The following FANCA variants were observed in gnomAD, a reference collection of about 807,000 sequenced individuals.
FANCA encodes Fanconi anemia group A protein.
In FANCA, 236 loss-of-function variants were observed where a neutral mutation model predicts 194.3. That is an observed-to-expected ratio of 1.21 (90% confidence interval 1.09 to 1.35). FANCA has a LOEUF of 1.35. Among genes scored for constraint, FANCA ranks in the 40% most tolerant of loss-of-function variants. FANCA has a pLI of 0.00. For synonymous variants in FANCA, 1,014 were observed against 715.8 expected, an observed-to-expected ratio of 1.42 and a Z score of -6.65; for missense variants, 2,628 against 1,813.9, an observed-to-expected ratio of 1.45 and a Z score of -8.15.
Position 89,746,843 on chromosome 16 carries a change from G to A in FANCA, c.3396C>T (p.Ala1132=). ...HGGALTQDIT[A]HFFRGLLNAC... is the part of the protein sequence containing the mutation. ...GGGAGCATCTCACCCTGAAGAAGTG[G>A]GCAGTGATGTCCTGTGTCAGGGCAC... The change falls in exon 34 of 43, where the codon GCC becomes GCT. Residue 1132 remains alanine (A), a synonymous_variant. Transcript: ENST00000389301. The A allele has an allele frequency of 1.3e-6, 2 of 1,564,238 alleles. No homozygotes were observed. Among genetic ancestry groups the A allele is most frequent in the Non-Finnish European group, 8.7e-7 (1 of 1,153,176 alleles).
chr16:89,773,114 G>T (rs1214964774), intron 22 of FANCA, among the ~76,000 whole-genome samples, 157 bp downstream of exon 22: 2 of 152,172 alleles, frequency 1.3e-5, no homozygotes, highest in Non-Finnish European at 2.9e-5. Flanking sequence ...TCTCAAAAAA[G>T]GTTCCACACC....
chr16:89,753,539 T>C (rs139369101), intron 30 of FANCA, among the ~76,000 whole-genome samples: 19 of 152,286 alleles, frequency 1.2e-4, no homozygotes, highest in Admixed American at 3.3e-4. Context: ...ATTATCTCAA[T>C]AGATGTAGAA....
chr16:89,793,645 T>G (rs1020574711), intron 11 of FANCA, among the ~76,000 whole-genome samples: 1 of 152,072 alleles, frequency 6.6e-6, no homozygotes, highest in Non-Finnish European at 1.5e-5. Flanking sequence ...CAGGCTGGAG[T>G]GCAGTGCTCA....
At chr16:89,784,065 T>C (rs2039813447) in intron 15 of FANCA, among the ~76,000 whole-genome samples, 1 of 152,078 alleles carries the variant, frequency 6.6e-6, no homozygotes. Context: ...CGGCCAATTT[T>C]CTTAAAAGAT....
In FANCA at chr16:89,778,984, A is replaced by C; in HGVS notation, c.1735T>G (p.Tyr579Asp). The stretch of plus-strand genomic sequence containing the variant: ...AGGGCGGGGAGGAAGTGGGACACGT[A>C]GTAAGGCCTCCTGAATATGCTGCAA... ...MEASIFRRPY[Y>D]VSHFLPALLT... The change falls in exon 19 of 43, where the codon TAC becomes GAC. Residue 579 changes from tyrosine (Y) to aspartate (D), a missense_variant. Transcript: ENST00000389301. The C allele has an allele frequency of 6.2e-7, 1 of 1,613,890 alleles. No homozygotes were observed.
At chr16:89,739,622 CT>C in intron 39 of FANCA, 69 bp from the exon 40 acceptor site, 1 of 1,531,634 alleles carries the variant, frequency 6.5e-7, no homozygotes, top group Non-Finnish European at 8.9e-7. Flanking sequence ...GGGGACACCC[CT>C]GGGGGTCGGG....
Position 89,773,386 on chromosome 16 carries a change from T to G in FANCA, c.1901-2A>C, listed in dbSNP as rs1555549535. On this transcript the variant is annotated splice_acceptor_variant, in intron 21 of 42. Coordinates refer to ENST00000389301, the MANE Select transcript of FANCA (RefSeq NM_000135.4). LOFTEE classifies it high-confidence loss of function. ...CTGCCCTCACTCCCAGGGCTGCATC[T>G]GTGAGAAGAAGGAAGAAACCAGATG... 6.5e-7 allele frequency: 1 copy of G among 1,548,564 alleles called. No individual in the cohort carries two copies. Among genetic ancestry groups the G allele is most frequent in the African/African-American group, 1.4e-5 (1 of 72,948 alleles).
rs759940726 is a variant in FANCA, at chr16:89,779,905, T to A, written c.1679A>T (p.His560Leu). The A allele has an allele frequency of 6.2e-7, 1 of 1,614,146 alleles. No homozygotes were observed. Among genetic ancestry groups the A allele is most frequent in the Admixed American group, 1.7e-5 (1 of 60,030 alleles). The change falls in exon 18 of 43, where the codon CAT (histidine) becomes CTT (leucine). Residue 560 changes from histidine to leucine, a missense_variant. Transcript: ENST00000389301. ...GACGGTGACTGGGATGTTCCCCGTA[T>A]GCTCAAACACCATGATGGCCTTTTC... ...DVEKAIMVFEHTGNIPVTVME... is the reference protein window; with the variant it reads ...DVEKAIMVFELTGNIPVTVME...
chr16:89,757,818 G>A (rs561204169), intron 30 of FANCA, among the ~76,000 whole-genome samples: 4 of 152,332 alleles, frequency 2.6e-5, no homozygotes, highest in East Asian at 1.9e-4. Flanking sequence ...CATTTGTGCC[G>A]TGCTTCACAC....
chr16:89,740,515 A>G (rs886845437), intron 38 of FANCA: 4 of 498,418 alleles, frequency 8.0e-6, no homozygotes, highest in Non-Finnish European at 1.4e-5. Context: ...TCACGCCTGT[A>G]ATCCCAGCTA....
Position 89,749,847 on chromosome 16 carries a change from G to T in FANCA, c.3122C>A (p.Thr1041Asn). 6.2e-7 allele frequency: 1 copy of T among 1,614,208 alleles called. No individual in the cohort carries two copies. The highest frequency in any genetic ancestry group is 8.5e-7 in the Non-Finnish European group (1 of 1,180,026). The change falls in exon 32 of 43, where the codon ACC becomes AAC. Residue 1041 changes from threonine to asparagine, a missense_variant. Thr to Asn is a moderately conservative substitution (Grantham distance 65). Transcript: ENST00000389301. ...AAAGAGGAAGTGCTCCTGGGAAGGG[G>T]TGTGGCCGAGAGGCACTATGAGGTC... is the stretch of plus-strand genomic sequence containing the variant. ...QQDLIVPLGHTPSQEHFLFEI... is the reference protein window; with the variant it reads ...QQDLIVPLGHNPSQEHFLFEI...
Position 89,739,985 on chromosome 16 carries a change from G to A in FANCA, c.3934+9C>T, listed in dbSNP as rs201323033. On this transcript the variant is annotated intron_variant, in intron 39 of 42. Transcript: ENST00000389301. ...CTCCGCATTTGTGCCTCAGCAGCGTGTTTCTTACCACTCTCTGTCAACTGA... is the reference window on the plus strand; with the variant it reads ...CTCCGCATTTGTGCCTCAGCAGCGTATTTCTTACCACTCTCTGTCAACTGA... 1.2e-6 allele frequency: 2 copies of A among 1,613,950 alleles called. No homozygotes were observed. Among genetic ancestry groups the A allele is most frequent in the East Asian group, 2.2e-5 (1 of 44,868 alleles).
intron 36 of FANCA, among the ~76,000 whole-genome samples, chr16:89,744,372 G>C (rs1471792024): frequency 6.6e-6 from 1 of 152,204 alleles, no homozygotes; most frequent in Non-Finnish European, 1.5e-5. Context: ...AGGTGGAGTG[G>C]CTGTCAGCTC....
intron 29 of FANCA, among the ~76,000 whole-genome samples, chr16:89,761,405 C>A (rs1598095947): frequency 8.6e-6 from 1 of 116,190 alleles, no homozygotes. Context: ...GGTGACAGAG[C>A]AAGACTCTGT....
Position 89,737,794 on chromosome 16 carries a change from C to CT in FANCA, c.*806dup, listed in dbSNP as rs760540231. The CT allele has an allele frequency of 8.1e-6, 13 of 1,614,050 alleles. No homozygotes were observed. Among genetic ancestry groups the CT allele is most frequent in the Middle Eastern group, 1.6e-4 (1 of 6,084 alleles). On this transcript the variant is annotated 3_prime_UTR_variant, in exon 43 of 43. Coordinates refer to ENST00000389301, the MANE Select transcript of FANCA (RefSeq NM_000135.4). ...ATCAGGGGCCTGGACTCACTGGACT[C>CT]TCCCCTCTCAGAGGTGCGGAACTAT...
intron 7 of FANCA, among the ~76,000 whole-genome samples, chr16:89,804,662 C>G (rs2040571175): frequency 6.6e-6 from 1 of 152,208 alleles, no homozygotes; most frequent in African/African-American, 2.4e-5. Flanking sequence ...GGTCCCTAGT[C>G]TGAGCCATCC....
chr16:89,807,714 C>G (rs1369743557), intron 6 of FANCA, among the ~76,000 whole-genome samples: 1 of 151,966 alleles, frequency 6.6e-6, no homozygotes, highest in African/African-American at 2.4e-5. Context: ...GAAACCCAGT[C>G]TCTACTAAAA....
chr16:89,749,135 G>A (rs1242726460), intron 32 of FANCA, among the ~76,000 whole-genome samples: 5 of 152,290 alleles, frequency 3.3e-5, no homozygotes, highest in East Asian at 3.9e-4. Context: ...AAATGCAGCC[G>A]CCGTGGGCAT....
At chr16:89,740,443 C>G (rs1598056612) in intron 38 of FANCA, 1 of 457,822 alleles carries the variant, frequency 2.2e-6, no homozygotes, top group East Asian at 4.1e-5. Context: ...CAAGACCAGC[C>G]TGGCAATATG....
Sources: gnomAD v4.1 joint callset for allele counts (sites outside exome capture counted in the v4.1 genomes callset) on GRCh38, gnomAD v4.1.1 for gene constraint, MANE v1.5 for transcripts, NCBI Gene and HGNC (gene_info 2026-07-23, HGNC 2026-07-21) for gene names.